Variants in MARF1 observed in about 807,000 individuals in gnomAD.
MARF1 encodes the protein limkain-b1.
A neutral mutation model predicts 168.2 loss-of-function variants in MARF1; 24 were observed. The ratio of observed to expected loss-of-function variants is 0.14; its 90% CI spans 0.10 to 0.20. The LOEUF (loss-of-function observed/expected upper bound fraction) is 0.20, where lower values mean the gene tolerates loss of function less well. MARF1 is among the 10% of genes least tolerant of loss of function. The probability of loss-of-function intolerance (pLI) is 1.00; values close to 1 mark genes in which losing one functional copy is unlikely to be tolerated. For synonymous variants in MARF1, 868 were observed against 822.4 expected (o/e 1.06, Z -0.95); for missense variants, 1,744 against 2,143.6 (o/e 0.81, Z 3.68).
Position 15,604,294 on chromosome 16 carries a change from G to C in MARF1, c.4287C>G (p.Thr1429=), listed in dbSNP as rs757171070. ...LLVLLMSWEG[T]THLSVEELKR... is the part of the protein sequence containing the mutation. ...TGAGCTCCTCAACAGAAAGATGGGTGGTTCCTTCCCAAGACATCAACAATA... is the reference window on the plus strand; with the variant it reads ...TGAGCTCCTCAACAGAAAGATGGGTCGTTCCTTCCCAAGACATCAACAATA... The change falls in exon 22 of 27, where the codon ACC becomes ACG. Residue 1429 remains threonine (T), a synonymous_variant. Coordinates refer to ENST00000396368, the MANE Select transcript of MARF1 (RefSeq NM_014647.4). 7 of 1,614,002 alleles carry C rather than the reference G, an allele frequency of 4.3e-6. No individual in the cohort carries two copies. The highest frequency in any genetic ancestry group is 5.9e-6 in the Non-Finnish European group (7 of 1,179,894).
intron 7 of MARF1, 88 bp from the exon 8 acceptor site, chr16:15,625,888 T>A: frequency 1.0e-6 from 1 of 1,004,568 alleles, no homozygotes; most frequent in Non-Finnish European, 1.5e-6. Flanking sequence ...ACCTCCAAAC[T>A]TCAGTTAACA....
At chr16:15,612,403 G>T (rs74639849) in intron 17 of MARF1, among the ~76,000 whole-genome samples, 154 bp downstream of exon 17, 37 of 152,364 alleles carry the variant, frequency 2.4e-4, no homozygotes, top group African/African-American at 8.4e-4. Context: ...GAAGCCGCCT[G>T]TGTGTGTTAT....
intron 22 of MARF1, among the ~76,000 whole-genome samples, chr16:15,603,695 C>T (rs745716396): frequency 1.3e-5 from 2 of 152,064 alleles, no homozygotes; most frequent in East Asian, 1.9e-4. Flanking sequence ...TTATATCTGT[C>T]GCCCGAGAAT....
At chr16:15,608,983 A>T (rs1412096112) in intron 20 of MARF1, among the ~76,000 whole-genome samples, 1 of 152,220 alleles carries the variant, frequency 6.6e-6, no homozygotes, top group Non-Finnish European at 1.5e-5. Flanking sequence ...TCACGCCTGT[A>T]ATCCCAGCAC....
chr16:15,638,017 T>G (rs956817879), intron 2 of MARF1, among the ~76,000 whole-genome samples: 2 of 150,160 alleles, frequency 1.3e-5, no homozygotes, highest in African/African-American at 4.9e-5. Context: ...AATACAAAAA[T>G]TAGCCAGGCA....
chr16:15,603,688 T>C (rs1184108747), intron 22 of MARF1, among the ~76,000 whole-genome samples: 1 of 152,192 alleles, frequency 6.6e-6, no homozygotes, highest in Non-Finnish European at 1.5e-5. Flanking sequence ...TAGGTTTTTA[T>C]ATCTGTCGCC....
In MARF1 at chr16:15,610,881, C is replaced by T. The variant is rs781032077; in HGVS notation, c.3751+94G>A. The T allele has an allele frequency of 5.3e-5, 66 of 1,238,886 alleles. 1 individual carries two copies. The highest frequency in any genetic ancestry group is 9.0e-5 in the African/African-American group (6 of 66,650). The allele number at this position is 1,238,886 out of a possible 1,614,324, so 76.7% of individuals were successfully genotyped here. On this transcript the variant is annotated intron_variant, in intron 19 of 26. Coordinates refer to ENST00000396368, the MANE Select transcript of MARF1 (RefSeq NM_014647.4). Reference sequence around the variant, plus strand: ...CTTTCTGTGGAATCTTCAGGAAGCACGGACAGGGAGGGAAAACCACATCTT... The same window carrying T: ...CTTTCTGTGGAATCTTCAGGAAGCATGGACAGGGAGGGAAAACCACATCTT...
At chr16:15,620,220 T>G (rs1414272599) in intron 13 of MARF1, among the ~76,000 whole-genome samples, 1 of 151,900 alleles carries the variant, frequency 6.6e-6, no homozygotes, top group Non-Finnish European at 1.5e-5. Flanking sequence ...AGCTAGTCAA[T>G]TAGGGGAAAA....
chr16:15,609,958 A>G (rs1017456271), intron 19 of MARF1, among the ~76,000 whole-genome samples: 2 of 152,186 alleles, frequency 1.3e-5, no homozygotes, highest in African/African-American at 4.8e-5. Context: ...TGAAATTCAT[A>G]TATATTCATC....
At chr16:15,599,234 G>C in intron 25 of MARF1, 2 of 586,986 alleles carry the variant, frequency 3.4e-6, no homozygotes, top group East Asian at 2.8e-5. Context: ...TAATAAGCTA[G>C]TTCTTCTGAA....
intron 2 of MARF1, among the ~76,000 whole-genome samples, chr16:15,637,591 T>C (rs1238980820): frequency 1.3e-5 from 2 of 152,208 alleles, no homozygotes; most frequent in Non-Finnish European, 2.9e-5. Context: ...GCAGGCTTAC[T>C]ATGAGTTGAT....
Position 15,639,291 on chromosome 16 carries a change from C to A in MARF1, c.-58G>T. On this transcript the variant is annotated splice_region_variant and 5_prime_UTR_variant, in exon 2 of 27. Transcript: ENST00000396368. ...TCTTTCTTTTCTTTCATTCTTCCAC[C>A]CTGTTAAGAATGAGTAAGATTTCAG... is the stretch of plus-strand genomic sequence containing the variant. 3 of 1,551,678 alleles carry A rather than the reference C, an allele frequency of 1.9e-6. No individual in the cohort carries two copies.
At chr16:15,599,918 A>C (rs2032233072) in intron 25 of MARF1, among the ~76,000 whole-genome samples, 2 of 152,250 alleles carry the variant, frequency 1.3e-5, no homozygotes, top group South Asian at 2.1e-4. Context: ...CTAGAGTCTT[A>C]GCTTGAGTCA....
intron 2 of MARF1, among the ~76,000 whole-genome samples, chr16:15,638,092 G>A (rs573966921): frequency 6.6e-6 from 1 of 152,100 alleles, no homozygotes; most frequent in East Asian, 1.9e-4. Flanking sequence ...CTTGAACTAG[G>A]GACAGTGGTT....
chr16:15,635,532 A>T, intron 3 of MARF1, 124 bp downstream of exon 3: 1 of 832,390 alleles, frequency 1.2e-6, no homozygotes, highest in South Asian at 1.9e-5. Flanking sequence ...GCTGATGGGG[A>T]GATTCCCCTA....
intron 13 of MARF1, among the ~76,000 whole-genome samples, chr16:15,618,616 C>T (rs2034235293): frequency 6.6e-6 from 1 of 152,114 alleles, no homozygotes; most frequent in South Asian, 2.1e-4. Flanking sequence ...TGCTCGCCCA[C>T]ATCCCTGGCC....
At chr16:15,606,295 G>A (rs532595608) in intron 21 of MARF1, among the ~76,000 whole-genome samples, 5 of 151,930 alleles carry the variant, frequency 3.3e-5, no homozygotes, top group East Asian at 1.9e-4. Context: ...ATTTAAATTC[G>A]CTCATCCCAT....
At chr16:15,620,911 TA>T (rs1030395578) in intron 12 of MARF1, among the ~76,000 whole-genome samples, 1 of 152,116 alleles carries the variant, frequency 6.6e-6, no homozygotes, top group African/African-American at 2.4e-5. Flanking sequence ...ACTACAGTTT[TA>T]AAAAACCAGA....
chr16:15,617,193 T>C (rs1420832088), intron 14 of MARF1, 22 bp from the exon 15 acceptor site: 4 of 1,613,272 alleles, frequency 2.5e-6, no homozygotes, highest in Admixed American at 1.7e-5. Flanking sequence ...AGAACACAAT[T>C]GGAAGCTGAC....
Sources: gnomAD v4.1 joint callset for allele counts (sites outside exome capture counted in the v4.1 genomes callset) on GRCh38, gnomAD v4.1.1 for gene constraint, MANE v1.5 for transcripts, NCBI Gene and HGNC (gene_info 2026-07-23, HGNC 2026-07-21) for gene names.